Variants in RTL4 observed in about 807,000 individuals in gnomAD.
RTL4 encodes the protein retrotransposon Gag-like protein 4.
Under a neutral mutation model 5.3 loss-of-function variants are expected in RTL4, and 4 were observed. The ratio of observed to expected loss-of-function variants is 0.75; its 90% confidence interval spans 0.37 to 1.72. RTL4 has a LOEUF of 1.72. Among genes scored for constraint, RTL4 ranks in the 40% most tolerant of loss-of-function variants. The pLI is 0.04. For synonymous variants in RTL4, 98 were observed against 87.3 expected (o/e 1.12, Z -0.68); for missense variants, 260 against 227.1 (o/e 1.14, Z -0.93).
chrX:112,169,741 T>C, the RTL4 span, among the ~76,000 whole-genome samples: 1 of 111,668 alleles, frequency 9.0e-6, no homozygotes, highest in Non-Finnish European at 1.9e-5. Context: ...CCTCTCCTGG[T>C]TTCAACTTCC....
the RTL4 span, among the ~76,000 whole-genome samples, chrX:112,183,260 G>C: frequency 9.0e-6 from 1 of 111,690 alleles, no homozygotes; most frequent in East Asian, 2.8e-4. Context: ...ATCAACTAAC[G>C]GGCAAAATAA....
At chrX:112,246,535 A>G in the RTL4 span, among the ~76,000 whole-genome samples, 1 of 112,115 alleles carries the variant, frequency 8.9e-6, no homozygotes, top group African/African-American at 3.2e-5. Flanking sequence ...CAGGCATGGG[A>G]TATAATCTCC....
chrX:112,302,238 G>A, the RTL4 span, among the ~76,000 whole-genome samples: 1 of 99,497 alleles, frequency 1.0e-5, no homozygotes, highest in Non-Finnish European at 2.0e-5. Context: ...TCCAGCCTGG[G>A]CGACAGAGCA....
the RTL4 span, among the ~76,000 whole-genome samples, chrX:112,277,184 G>A: frequency 1.8e-5 from 2 of 111,398 alleles, no homozygotes; most frequent in African/African-American, 6.5e-5. Flanking sequence ...CAAAAACTGG[G>A]AGGATTGAGT....
chrX:112,311,968 T>A, the RTL4 span, among the ~76,000 whole-genome samples: 2 of 111,859 alleles, frequency 1.8e-5, no homozygotes, highest in East Asian at 5.6e-4. Context: ...ACATGTGGTA[T>A]CTTATTCACA....
chrX:112,233,206 C>T, the RTL4 span, among the ~76,000 whole-genome samples: 38 of 112,036 alleles, frequency 3.4e-4, no homozygotes, highest in Non-Finnish European at 3.9e-4. Flanking sequence ...AAGGTCACAA[C>T]GGGCATAGCT....
chrX:112,104,114 AT>A, the RTL4 span, among the ~76,000 whole-genome samples: 4 of 111,640 alleles, frequency 3.6e-5, no homozygotes, highest in African/African-American at 1.3e-4. Context: ...CGAAGAACAA[AT>A]TTTTAGATTC....
At chrX:112,303,713 T>A in the RTL4 span, among the ~76,000 whole-genome samples, 2 of 100,240 alleles carry the variant, frequency 2.0e-5, no homozygotes, top group African/African-American at 7.7e-5. Flanking sequence ...CATATGTAAC[T>A]AACCTGCACA....
the RTL4 span, among the ~76,000 whole-genome samples, chrX:112,208,355 CTCAGTCATT>C: frequency 1.8e-5 from 2 of 112,149 alleles, no homozygotes; most frequent in Non-Finnish European, 3.8e-5. Context: ...ATTATTCAAA[CTCAGTCATT>C]TCTGCTTTCA....
At chrX:112,172,100 G>A in the RTL4 span, among the ~76,000 whole-genome samples, 16 of 112,443 alleles carry the variant, frequency 1.4e-4, no homozygotes, top group African/African-American at 4.5e-4. Context: ...TTGGGAGGCC[G>A]AGGCAGATCA....
At chrX:112,201,638 T>C in the RTL4 span, among the ~76,000 whole-genome samples, 1 of 110,315 alleles carries the variant, frequency 9.1e-6, no homozygotes. Context: ...AAGGGGAAAA[T>C]AGCTTCTGAA....
At chrX:112,317,949 G>C in the RTL4 span, among the ~76,000 whole-genome samples, 1 of 111,833 alleles carries the variant, frequency 8.9e-6, no homozygotes, top group Non-Finnish European at 1.9e-5. Flanking sequence ...AATGACATAG[G>C]AAGTTCCTAA....
the RTL4 span, among the ~76,000 whole-genome samples, chrX:112,136,603 C>T: frequency 8.7e-3 from 974 of 111,676 alleles, 20 homozygotes; most frequent in African/African-American, 0.03. Flanking sequence ...ATTAAAATGT[C>T]CACACTACCC....
At chrX:112,085,453 G>C in the RTL4 span, among the ~76,000 whole-genome samples, 1 of 112,249 alleles carries the variant, frequency 8.9e-6, no homozygotes, top group Non-Finnish European at 1.9e-5. Flanking sequence ...AACATCGTAG[G>C]TGAAGAGAAA....
chrX:112,265,280 A>C, the RTL4 span, among the ~76,000 whole-genome samples: 1 of 112,785 alleles, frequency 8.9e-6, no homozygotes, highest in Admixed American at 9.4e-5. Context: ...AGGTTCTCTA[A>C]GGATCCAGTT....
the RTL4 span, among the ~76,000 whole-genome samples, chrX:112,199,997 G>A: frequency 8.9e-6 from 1 of 111,824 alleles, no homozygotes; most frequent in Admixed American, 9.5e-5. Flanking sequence ...TTATGTGCCG[G>A]GCACTCTTCT....
At chrX:112,254,188 G>A in the RTL4 span, among the ~76,000 whole-genome samples, 3 of 111,720 alleles carry the variant, frequency 2.7e-5, no homozygotes, top group Non-Finnish European at 5.6e-5. Context: ...TAAGCTTCTA[G>A]TGACAAGAAG....
chrX:112,116,348 G>A, the RTL4 span, among the ~76,000 whole-genome samples: 55 of 111,267 alleles, frequency 4.9e-4, 1 homozygote, highest in Admixed American at 1.6e-3. Context: ...TTCGCAGTGA[G>A]TGTTACAGCT....
chrX:112,447,120 G>A, the RTL4 span, among the ~76,000 whole-genome samples: 1 of 111,892 alleles, frequency 8.9e-6, no homozygotes, highest in Non-Finnish European at 1.9e-5. Flanking sequence ...AGAGTGCAAA[G>A]GAGAAACACT....
Sources: gnomAD v4.1 joint callset for allele counts (sites outside exome capture counted in the v4.1 genomes callset) on GRCh38, gnomAD v4.1.1 for gene constraint, MANE v1.5 for transcripts, NCBI Gene and HGNC (gene_info 2026-07-23, HGNC 2026-07-21) for gene names.